Variants in ROR2 observed in about 807,000 individuals in gnomAD.
ROR2 encodes the protein ROR family WNT receptor 2.
ROR2 carries 33 observed loss-of-function variants against 74.9 expected under a neutral mutation model. The observed-to-expected ratio is 0.44, with a 90% confidence interval of 0.33 to 0.59. The LOEUF (loss-of-function observed/expected upper bound fraction) is 0.59. ROR2 is among the 20% of genes least tolerant of loss of function. ROR2 has a pLI of 0.02. For missense variants in ROR2, 1,216 were observed against 1,313.8 expected (o/e 0.93, Z 1.15); for synonymous variants, 586 against 558.7 (o/e 1.05, Z -0.69).
In ROR2 at chr9:91,737,447, C is replaced by T. The variant is rs1825069433; in HGVS notation, c.566G>A (p.Arg189Gln). 5 of 1,614,100 alleles carry T rather than the reference C, an allele frequency of 3.1e-6. No individual in the cohort carries two copies. The highest frequency in any genetic ancestry group is 2.2e-5 in the East Asian group (1 of 44,866). ...CTGAAGCGAGTCCACATAAATGGTC[C>T]GGTTGCCAATGAAGCGTGCACAGGC... ...GIACARFIGNRTIYVDSLQMQ... is the reference protein window; with the variant it reads ...GIACARFIGNQTIYVDSLQMQ... The change falls in exon 5 of 9, where the codon CGG becomes CAG. Residue 189 changes from arginine (R) to glutamine (Q), a missense_variant. Physicochemically the swap from Arg to Gln is conservative, Grantham distance 43. Transcript: ENST00000375708.
chr9:91,930,441 CAG>C lies in ROR2; in HGVS notation c.97+19424_97+19425del, dbSNP rs563644748. 1.3e-3 allele frequency among the ~76,000 whole-genome samples: 195 copies of C among 152,362 alleles called. 1 individual carries two copies. The highest frequency in any genetic ancestry group is 3.1e-3 in the Admixed American group (48 of 15,304). Reference sequence around the variant, plus strand: ...GACTGCAGCCAATAGGAGAAGGAAACAGAAACAGAAGCTGCATTAGGGATAAA... The same window carrying C: ...GACTGCAGCCAATAGGAGAAGGAAACAAACAGAAGCTGCATTAGGGATAAA... On this transcript the variant is annotated intron_variant, in intron 1 of 8. Transcript: ENST00000375708.
At chr9:91,840,825 G>A (rs867343998) in intron 1 of ROR2, among the ~76,000 whole-genome samples, 7 of 151,202 alleles carry the variant, frequency 4.6e-5, no homozygotes, top group Admixed American at 1.3e-4. Context: ...TTGTTCCTAC[G>A]CAAGGACCTG....
At chr9:91,820,999 G>C (rs555282155) in intron 1 of ROR2, among the ~76,000 whole-genome samples, 3 of 152,132 alleles carry the variant, frequency 2.0e-5, no homozygotes, top group Non-Finnish European at 4.4e-5. Context: ...TACTCAGGAA[G>C]CTGAGGCAGG....
chr9:91,901,240 T>A (rs1432521057), intron 1 of ROR2, among the ~76,000 whole-genome samples: 1 of 152,242 alleles, frequency 6.6e-6, no homozygotes, highest in Non-Finnish European at 1.5e-5. Flanking sequence ...TTAGTATAAG[T>A]TAGACTATCT....
At chr9:91,837,503 C>T (rs1429726847) in intron 1 of ROR2, among the ~76,000 whole-genome samples, 6 of 152,262 alleles carry the variant, frequency 3.9e-5, no homozygotes, top group African/African-American at 9.6e-5. Flanking sequence ...AGAAGGGAGG[C>T]GGGGAGAAGC....
intron 1 of ROR2, among the ~76,000 whole-genome samples, chr9:91,897,968 G>C (rs1183034383): frequency 6.6e-6 from 1 of 152,084 alleles, no homozygotes; most frequent in East Asian, 1.9e-4. Flanking sequence ...GACTGAAGAG[G>C]AAGGGAGAAG....
chr9:91,836,459 G>C (rs1449152760), intron 1 of ROR2, among the ~76,000 whole-genome samples: 1 of 151,034 alleles, frequency 6.6e-6, no homozygotes, highest in African/African-American at 2.5e-5. Flanking sequence ...AGAATCGCTT[G>C]AACCCAGGAG....
At chr9:91,937,682 A>G (rs1458746528) in intron 1 of ROR2, among the ~76,000 whole-genome samples, 1 of 152,178 alleles carries the variant, frequency 6.6e-6, no homozygotes, top group Non-Finnish European at 1.5e-5. Flanking sequence ...CAAAGTGATC[A>G]CCAGCACAGG....
rs775610296 is a variant in ROR2, at chr9:91,733,297, G to A, written c.762C>T (p.Asp254=). 5.2e-5 allele frequency: 84 copies of A among 1,612,734 alleles called. 1 individual carries two copies. Among genetic ancestry groups the A allele is most frequent in the African/African-American group, 1.2e-4 (9 of 74,928 alleles). ...RTPKPRELCR[D]ECEVLESDLC... ...GGTCGCTCTCCAGCACCTCGCACTC[G>A]TCGCGGCACAGCTCACGCGGCTTGG... The change falls in exon 6 of 9, where the codon GAC becomes GAT. Residue 254 remains aspartate (D), a synonymous_variant. Coordinates refer to ENST00000375708, the MANE Select transcript of ROR2 (RefSeq NM_004560.4). This position sits in a 1 kb window ranked among gnomAD's most constrained non-coding sequence, Gnocchi z 5.7.
At chr9:91,779,550 T>A (rs1199296817) in intron 1 of ROR2, among the ~76,000 whole-genome samples, 1 of 152,032 alleles carries the variant, frequency 6.6e-6, no homozygotes, top group Non-Finnish European at 1.5e-5. Flanking sequence ...TTTGTATTTT[T>A]AGTAGAGGTA....
At chr9:91,792,422 C>T (rs1827024425) in intron 1 of ROR2, among the ~76,000 whole-genome samples, 1 of 151,914 alleles carries the variant, frequency 6.6e-6, no homozygotes. Context: ...CATTCTCCTG[C>T]CTCAGCCTCC....
Position 91,905,303 on chromosome 9 carries a change from G to C in ROR2, c.97+44564C>G, listed in dbSNP as rs1830786779. Among the ~76,000 whole-genome samples, 1 of 144,728 alleles carries C rather than the reference G, an allele frequency of 6.9e-6. No homozygotes were observed. The highest frequency in any genetic ancestry group is 6.9e-5 in the Admixed American group (1 of 14,578). The allele number at this position is 144,728 out of a possible 152,430, so 94.9% of individuals were successfully genotyped here. A position where few individuals can be genotyped will look rare whatever the true frequency, so the allele number is the denominator to read the frequency against. On this transcript the variant is annotated intron_variant, in intron 1 of 8. Coordinates refer to ENST00000375708, the MANE Select transcript of ROR2 (RefSeq NM_004560.4). The surrounding 1 kb of genome is among the most constrained non-coding windows in gnomAD (Gnocchi z 5.3). Reference sequence around the variant, plus strand: ...TCAGCACACACAATACCACACACCAGACACACCACACACATACAATCATAC... The same window carrying C: ...TCAGCACACACAATACCACACACCACACACACCACACACATACAATCATAC...
chr9:91,831,391 A>T (rs545791089), intron 1 of ROR2, among the ~76,000 whole-genome samples: 1 of 152,274 alleles, frequency 6.6e-6, no homozygotes, highest in African/African-American at 2.4e-5. Flanking sequence ...CTTGGAAGGG[A>T]CCAGCCGCGT....
intron 1 of ROR2, among the ~76,000 whole-genome samples, chr9:91,826,676 C>T (rs1407144718): frequency 2.0e-5 from 3 of 151,334 alleles, no homozygotes; most frequent in Admixed American, 6.6e-5. Context: ...CCCAGCTACT[C>T]GGGAGGCTGA....
At chr9:91,788,468 A>G (rs539772477) in intron 1 of ROR2, among the ~76,000 whole-genome samples, 2 of 152,296 alleles carry the variant, frequency 1.3e-5, no homozygotes, top group South Asian at 4.1e-4. Flanking sequence ...TATCTCATAA[A>G]AGGGATCTTC....
chr9:91,766,948 G>A (rs989433455), intron 2 of ROR2, among the ~76,000 whole-genome samples: 2 of 152,178 alleles, frequency 1.3e-5, no homozygotes, highest in Non-Finnish European at 2.9e-5. Context: ...CAGTGCCCAC[G>A]TCAGCTCTCT....
At chr9:91,830,941 T>C (rs562282297) in intron 1 of ROR2, among the ~76,000 whole-genome samples, 46 of 151,166 alleles carry the variant, frequency 3.0e-4, no homozygotes, top group African/African-American at 1.1e-3. Flanking sequence ...GGATTGACAG[T>C]ACACACTTTC....
chr9:91,922,294 A>T (rs1831290862), intron 1 of ROR2, among the ~76,000 whole-genome samples: 1 of 152,098 alleles, frequency 6.6e-6, no homozygotes, highest in Non-Finnish European at 1.5e-5. Flanking sequence ...TTCTACTGCT[A>T]GGTATGTACC....
intron 1 of ROR2, among the ~76,000 whole-genome samples, chr9:91,891,952 G>A (rs1276564561): frequency 1.3e-5 from 2 of 151,410 alleles, no homozygotes; most frequent in Non-Finnish European, 2.9e-5. Context: ...GGAGAATGAG[G>A]CAGAAGAACT....
Sources: gnomAD v4.1 joint callset for allele counts (sites outside exome capture counted in the v4.1 genomes callset) on GRCh38, gnomAD v4.1.1 for gene constraint, Gnocchi (gnomAD v3.1) non-coding constraint, MANE v1.5 for transcripts, NCBI Gene and HGNC (gene_info 2026-07-23, HGNC 2026-07-21) for gene names.